The following STK32B variants were observed in gnomAD, a reference collection of about 807,000 sequenced individuals.
The protein encoded by STK32B is serine/threonine-protein kinase 32B.
A neutral mutation model predicts 52.6 loss-of-function variants in STK32B; 43 were observed. The ratio of observed to expected loss-of-function variants is 0.82; its 90% CI spans 0.64 to 1.05. The LOEUF (loss-of-function observed/expected upper bound fraction) is 1.05, where lower values mean the gene tolerates loss of function less well. Among genes scored for constraint, STK32B ranks in the 50% least tolerant of loss-of-function variants. STK32B has a pLI of 0.00. For missense variants in STK32B, 621 were observed against 534.6 expected (o/e 1.16, Z -1.59); for synonymous variants, 238 against 204.3 (o/e 1.17, Z -1.41).
chr4:5,329,149 A>C (rs938155303), intron 3 of STK32B, among the ~76,000 whole-genome samples: 1 of 152,340 alleles, frequency 6.6e-6, no homozygotes, highest in East Asian at 1.9e-4. Flanking sequence ...AGGGCCTTTC[A>C]GCACAGAACA....
intron 3 of STK32B, among the ~76,000 whole-genome samples, chr4:5,296,060 G>A (rs75908175): frequency 4.6e-5 from 7 of 152,150 alleles, no homozygotes; most frequent in African/African-American, 1.7e-4. Context: ...CAGTTTCCAT[G>A]TAGTCGTGTG....
intron 11 of STK32B, among the ~76,000 whole-genome samples, chr4:5,491,308 T>A (rs930557776): frequency 6.6e-6 from 1 of 152,214 alleles, no homozygotes; most frequent in Non-Finnish European, 1.5e-5. Flanking sequence ...TGGTTTTGAT[T>A]TGCATTTCTC....
intron 3 of STK32B, among the ~76,000 whole-genome samples, chr4:5,224,321 C>T (rs912387397): frequency 1.3e-5 from 2 of 152,204 alleles, no homozygotes; most frequent in African/African-American, 4.8e-5. Flanking sequence ...TGGGACCTCC[C>T]AATGCACTTA....
chr4:5,493,215 C>G (rs934086986), intron 11 of STK32B, among the ~76,000 whole-genome samples: 6 of 152,010 alleles, frequency 3.9e-5, no homozygotes, highest in African/African-American at 1.5e-4. Context: ...GTCCTGGACT[C>G]TTTTTTCTTG....
At chr4:5,168,875 T>G (rs1316306126) in intron 3 of STK32B, among the ~76,000 whole-genome samples, 1 of 152,154 alleles carries the variant, frequency 6.6e-6, no homozygotes, top group African/African-American at 2.4e-5. Flanking sequence ...CGTACCAAAT[T>G]CGGAATTCTC....
intron 3 of STK32B, among the ~76,000 whole-genome samples, chr4:5,175,906 C>G (rs1012757892): frequency 1.3e-5 from 2 of 152,244 alleles, no homozygotes; most frequent in African/African-American, 4.8e-5. Flanking sequence ...AGAGGTGGAG[C>G]CTACAGAGGC....
At chr4:5,371,551 C>T (rs1386752951) in intron 4 of STK32B, among the ~76,000 whole-genome samples, 1 of 152,108 alleles carries the variant, frequency 6.6e-6, no homozygotes, top group Non-Finnish European at 1.5e-5. Context: ...ATTTCCCTCG[C>T]GCGGTTGTTG....
chr4:5,191,905 G>A lies in STK32B; in HGVS notation c.260+23455G>A, dbSNP rs533500896. On this transcript the variant is annotated intron_variant, in intron 3 of 11. Coordinates refer to ENST00000282908, the MANE Select transcript of STK32B (RefSeq NM_018401.3). The stretch of plus-strand genomic sequence containing the variant: ...CTACTGTGCTCCCAGGTCCATGACC[G>A]GCACGGGCTGAGGGAGGGGGAATAC... 2.0e-5 allele frequency among the ~76,000 whole-genome samples: 3 copies of A among 152,314 alleles called. No individual in the cohort carries two copies. In the East Asian group the frequency reaches 5.8e-4, roughly 29 times the overall value.
chr4:5,138,870 C>T (rs1449164229), intron 1 of STK32B, among the ~76,000 whole-genome samples: 1 of 152,116 alleles, frequency 6.6e-6, no homozygotes, highest in African/African-American at 2.4e-5. Flanking sequence ...GTCTGGCATT[C>T]AGTAGGTGAT....
intron 11 of STK32B, among the ~76,000 whole-genome samples, chr4:5,480,189 T>G (rs1433008284): frequency 1.3e-5 from 2 of 152,180 alleles, no homozygotes; most frequent in Non-Finnish European, 2.9e-5. Context: ...ATTATCTTCT[T>G]TTCATTTTTT....
intron 5 of STK32B, among the ~76,000 whole-genome samples, chr4:5,412,371 G>A (rs1347286507): frequency 6.6e-6 from 1 of 152,164 alleles, no homozygotes; most frequent in Non-Finnish European, 1.5e-5. Context: ...ATTAGATGAG[G>A]CCCACTGGGA....
intron 3 of STK32B, among the ~76,000 whole-genome samples, chr4:5,287,468 A>G (rs1728626652): frequency 6.8e-6 from 1 of 147,962 alleles, no homozygotes; most frequent in South Asian, 2.1e-4. Context: ...GTTTAAGTCG[A>G]TGAATATAAT....
At chr4:5,316,692 ATATCATAT>A (rs1219812072) in intron 3 of STK32B, among the ~76,000 whole-genome samples, 740 of 1,136 alleles carry the variant, frequency 0.65, 222 homozygotes, top group Admixed American at 0.76. Context: ...AATATAATAT[ATATCATAT>A]TATAATATAT....
At chr4:5,459,571 G>A (rs897111098) in intron 8 of STK32B, among the ~76,000 whole-genome samples, 1 of 152,202 alleles carries the variant, frequency 6.6e-6, no homozygotes, top group Non-Finnish European at 1.5e-5. Flanking sequence ...GTCTTCAGCT[G>A]TTCTTATGCT....
At chr4:5,307,887 T>A (rs547203344) in intron 3 of STK32B, among the ~76,000 whole-genome samples, 1 of 152,140 alleles carries the variant, frequency 6.6e-6, no homozygotes, top group East Asian at 1.9e-4. Flanking sequence ...CTGCAGTGAT[T>A]GTTATTTCTC....
chr4:5,254,511 A>T (rs772537082), intron 3 of STK32B, among the ~76,000 whole-genome samples: 17 of 152,248 alleles, frequency 1.1e-4, no homozygotes, highest in Middle Eastern at 3.4e-3. Flanking sequence ...CTGACAATGC[A>T]CTTAAGGTGA....
At position 5,205,703 on chromosome 4, in the gene STK32B, CGTGTGTGT is replaced by C. The variant is rs71169688; in HGVS notation, c.260+37275_260+37282del. Among the ~76,000 whole-genome samples the C allele has an allele frequency of 4.6e-3, 647 of 141,028 alleles. 3 individuals carry two copies. The highest frequency in any genetic ancestry group is 0.011 in the Admixed American group (156 of 14,624). The allele number at this position is 141,028 out of a possible 152,430, so 92.5% of individuals were successfully genotyped here. A position where few individuals can be genotyped will look rare whatever the true frequency, so the allele number is the denominator to read the frequency against. ...GACAGTTCTAGACCAGGCGCGCGCG[CGTGTGTGT>C]GTGTGTGTGTGTGTGTGTGTGCATT... On this transcript the variant is annotated intron_variant, in intron 3 of 11. Transcript: ENST00000282908.
chr4:5,290,348 C>G (rs1239990957), intron 3 of STK32B, among the ~76,000 whole-genome samples: 1 of 152,014 alleles, frequency 6.6e-6, no homozygotes, highest in Non-Finnish European at 1.5e-5. Context: ...TACAGCTAAA[C>G]AAAAATGTTT....
At chr4:5,466,982 AC>A (rs1337314066) in intron 10 of STK32B, 148 bp downstream of exon 10, 11 of 1,056,748 alleles carry the variant, frequency 1.0e-5, no homozygotes, top group Non-Finnish European at 1.3e-6. Flanking sequence ...CTACTATCAA[AC>A]AAGTAGGGGG....
Sources: gnomAD v4.1 joint callset for allele counts (sites outside exome capture counted in the v4.1 genomes callset) on GRCh38, gnomAD v4.1.1 for gene constraint, MANE v1.5 for transcripts, NCBI Gene and HGNC (gene_info 2026-07-23, HGNC 2026-07-21) for gene names.